NUDT1: variants seen among roughly 807,000 people sequenced by gnomAD.
NUDT1 encodes oxidized purine nucleoside triphosphate hydrolase.
NUDT1 carries 16 observed loss-of-function variants against 11.3 expected under a neutral mutation model. That is an observed-to-expected ratio of 1.41 (90% CI 0.96 to 2.15). The LOEUF is 2.15. Among genes scored for constraint, NUDT1 ranks in the 30% most tolerant of loss-of-function variants. The pLI is 0.00. For synonymous variants in NUDT1, 101 were observed against 84.4 expected (o/e 1.20, Z -1.08); for missense variants, 234 against 208.4 (o/e 1.12, Z -0.76).
chr7:2,249,836 C>G, intron 2 of NUDT1, 21 bp from the exon 3 acceptor site: 1 of 1,611,548 alleles, frequency 6.2e-7, no homozygotes, highest in Non-Finnish European at 8.5e-7. Flanking sequence ...GCCTCCCTCC[C>G]CTGCCCACCT....
At chr7:2,244,452 A>ACCCCCCC in intron 1 of NUDT1, 111 bp from the exon 2 acceptor site, 1 of 553,140 alleles carries the variant, frequency 1.8e-6, no homozygotes. Context: ...GTTACAGCAT[A>ACCCCCCC]CCCCCCCGCC....
intron 2 of NUDT1, 88 bp downstream of exon 2, chr7:2,244,814 T>A: frequency 6.7e-7 from 1 of 1,484,518 alleles, no homozygotes; most frequent in Non-Finnish European, 9.1e-7. Context: ...GTTTCACCAC[T>A]AAGAGCTAAG....
chr7:2,242,651 G>T (rs923503329), intron 1 of NUDT1: 14 of 356,028 alleles, frequency 3.9e-5, no homozygotes, highest in African/African-American at 2.7e-4. Flanking sequence ...AAATGGGAAA[G>T]GTTCCCTTGT....
At chr7:2,242,445 G>C in intron 1 of NUDT1, 189 bp downstream of exon 1, 1 of 501,410 alleles carries the variant, frequency 2.0e-6, no homozygotes, top group Non-Finnish European at 3.5e-6. Flanking sequence ...CCGGGGGTTT[G>C]GGAGAGAGAC....
chr7:2,242,261 G>A lies in NUDT1; in HGVS notation c.-13+5G>A, dbSNP rs1554259382. 1.5e-6 allele frequency: 2 copies of A among 1,306,130 alleles called. No individual in the cohort carries two copies. The highest frequency in any genetic ancestry group is 2.0e-6 in the Non-Finnish European group (2 of 976,454). The allele number at this position is 1,306,130 out of a possible 1,614,324, so 80.9% of individuals were successfully genotyped here. On this transcript the variant is annotated splice_donor_5th_base_variant and intron_variant, in intron 1 of 3. Transcript: ENST00000356714. ...CCCCCGGAAGCGGCGGTGCAGGTAC[G>A]AAAAGCGCGCGCGGGGATTCCAGGA...
intron 1 of NUDT1, 194 bp from the exon 2 acceptor site, chr7:2,244,369 C>T (rs1794680180): frequency 5.5e-6 from 3 of 545,390 alleles, no homozygotes; most frequent in Non-Finnish European, 3.2e-6. Flanking sequence ...TCTGTTTCTA[C>T]CCCAGAAAAT....
At position 2,250,013 on chromosome 7, in the gene NUDT1, C is replaced by T; in HGVS notation, c.298+11C>T. The T allele has an allele frequency of 7.4e-6, 12 of 1,613,676 alleles. No homozygotes were observed. Among genetic ancestry groups the T allele is most frequent in the Non-Finnish European group, 9.3e-6 (11 of 1,179,926 alleles). On this transcript the variant is annotated intron_variant, in intron 3 of 3. Transcript: ENST00000356714. Reference sequence around the variant, plus strand: ...CCGTGGAGAGCGACGGTGAGTCTCACAGGGCCTGCTCCCCCTCCCCACTAT... The same window carrying T: ...CCGTGGAGAGCGACGGTGAGTCTCATAGGGCCTGCTCCCCCTCCCCACTAT...
chr7:2,249,731 G>T, intron 2 of NUDT1, 126 bp from the exon 3 acceptor site: 1 of 1,171,086 alleles, frequency 8.5e-7, no homozygotes, highest in East Asian at 2.5e-5. Flanking sequence ...ACATCCTCCT[G>T]GGTCTCCCAT....
At chr7:2,248,727 CT>C (rs1313904290) in intron 2 of NUDT1, among the ~76,000 whole-genome samples, 2 of 151,842 alleles carry the variant, frequency 1.3e-5, no homozygotes, top group Admixed American at 1.3e-4. Flanking sequence ...AATTTCTGTC[CT>C]TTTTGTAGAA....
chr7:2,244,416 G>GA, intron 1 of NUDT1, 147 bp from the exon 2 acceptor site: 1 of 752,638 alleles, frequency 1.3e-6, no homozygotes, highest in Non-Finnish European at 2.1e-6. Context: ...TGCCACAAGG[G>GA]AAGCCACACG....
intron 1 of NUDT1, among the ~76,000 whole-genome samples, chr7:2,243,477 GA>G (rs1475254371): frequency 6.6e-6 from 1 of 152,234 alleles, no homozygotes; most frequent in Non-Finnish European, 1.5e-5. Flanking sequence ...GTGGACCCCA[GA>G]AAAGTTGGTC....
chr7:2,243,285 CAG>C (rs1476260841), intron 1 of NUDT1, among the ~76,000 whole-genome samples: 2 of 152,166 alleles, frequency 1.3e-5, no homozygotes, highest in Admixed American at 6.5e-5. Context: ...GGCAAAAAAA[CAG>C]AAATGCCTGT....
At chr7:2,250,516 G>A (rs538519320) in intron 3 of NUDT1, among the ~76,000 whole-genome samples, 107 of 152,370 alleles carry the variant, frequency 7.0e-4, no homozygotes, top group African/African-American at 2.4e-3. Context: ...GGAGGGCAAT[G>A]GCGCAATCTC....
chr7:2,247,062 CAG>C (rs1491206055), intron 2 of NUDT1, among the ~76,000 whole-genome samples: 2 of 152,188 alleles, frequency 1.3e-5, no homozygotes, highest in Non-Finnish European at 2.9e-5. Flanking sequence ...GCCTCGCCCT[CAG>C]GGGATGACGT....
intron 2 of NUDT1, chr7:2,249,264 C>T (rs1335686374): frequency 6.4e-6 from 1 of 156,722 alleles, no homozygotes; most frequent in Admixed American, 6.2e-5. Context: ...AGAGCTCCTC[C>T]TTCAGGAAAC....
chr7:2,244,273 G>A (rs1448472864), intron 1 of NUDT1, among the ~76,000 whole-genome samples: 3 of 152,158 alleles, frequency 2.0e-5, no homozygotes, highest in Admixed American at 2.0e-4. Context: ...AGGTGATGTT[G>A]TCCTCTGCAC....
Position 2,250,022 on chromosome 7 carries a change from C to T in NUDT1, c.298+20C>T. ...GCGACGGTGAGTCTCACAGGGCCTGCTCCCCCTCCCCACTATGCGGGTCCC... is the reference window on the plus strand; with the variant it reads ...GCGACGGTGAGTCTCACAGGGCCTGTTCCCCCTCCCCACTATGCGGGTCCC... On this transcript the variant is annotated intron_variant, in intron 3 of 3. Coordinates refer to ENST00000356714, the MANE Select transcript of NUDT1 (RefSeq NM_002452.4). 6.2e-7 allele frequency: 1 copy of T among 1,613,150 alleles called. No individual in the cohort carries two copies. The highest frequency in any genetic ancestry group is 1.3e-5 in the African/African-American group (1 of 75,026).
intron 2 of NUDT1, 63 bp from the exon 3 acceptor site, chr7:2,249,794 C>A: frequency 6.3e-7 from 1 of 1,598,672 alleles, no homozygotes; most frequent in Non-Finnish European, 8.5e-7. Flanking sequence ...CTCCTCCCTG[C>A]CATCGTGTGG....
At chr7:2,242,349 A>G (rs1397257313) in intron 1 of NUDT1, 93 bp downstream of exon 1, 7 of 571,202 alleles carry the variant, frequency 1.2e-5, no homozygotes, top group African/African-American at 6.0e-5. Flanking sequence ...GAGCTGAGCC[A>G]TGGGCTTGGG....
Sources: allele counts gnomAD v4.1 joint callset (sites outside exome capture counted in the v4.1 genomes callset), GRCh38; gene constraint gnomAD v4.1.1; transcripts MANE v1.5; gene names NCBI Gene and HGNC (gene_info 2026-07-23, HGNC 2026-07-21).